FAM107A: variants seen among roughly 807,000 people sequenced by gnomAD.
FAM107A encodes the protein family with sequence similarity 107 member A, also known as actin-associated protein FAM107A.
Under a neutral mutation model 13.7 loss-of-function variants are expected in FAM107A, and 19 were observed. The observed-to-expected ratio is 1.38, with a 90% CI of 0.97 to 2.03. FAM107A has a LOEUF of 2.03. FAM107A is among the 30% of genes most tolerant of loss of function. FAM107A has a pLI of 0.00. For synonymous variants in FAM107A, 82 were observed against 74.5 expected (o/e 1.10, Z -0.52); for missense variants, 203 against 184.4 (o/e 1.10, Z -0.58).
chr3:58,615,679 T>C (rs551641214), intron 1 of FAM107A, among the ~76,000 whole-genome samples: 3 of 152,146 alleles, frequency 2.0e-5, no homozygotes, highest in African/African-American at 7.2e-5. Flanking sequence ...GTGGATTCCT[T>C]GAGCCCAGAA....
intron 1 of FAM107A, among the ~76,000 whole-genome samples, chr3:58,610,146 A>G (rs538652976): frequency 1.3e-5 from 2 of 152,224 alleles, no homozygotes; most frequent in African/African-American, 4.8e-5. Context: ...ACTTCCATCT[A>G]CCAGATACAG....
intron 1 of FAM107A, among the ~76,000 whole-genome samples, chr3:58,593,928 C>T (rs1452752398): frequency 2.6e-5 from 4 of 152,078 alleles, no homozygotes; most frequent in South Asian, 2.1e-4. Flanking sequence ...CACACTTATC[C>T]GCATCTACTT....
rs946606855 is a variant in FAM107A at position 58,613,432 on chromosome 3, A to G, written c.-70+13984T>C. Among the ~76,000 whole-genome samples the G allele has an allele frequency of 6.6e-6, 1 of 151,930 alleles. No homozygotes were observed. Among genetic ancestry groups the G allele is most frequent in the South Asian group, 2.1e-4 (1 of 4,816 alleles). On this transcript the variant is annotated intron_variant, in intron 1 of 3. Transcript: ENST00000465970. This position sits in a 1 kb window ranked among gnomAD's most constrained non-coding sequence, Gnocchi z 4.6. Reference sequence around the variant, plus strand: ...TCCTTGGCCTGGTTCCTCTGACTTCATCAACCTCTGGCCCCTGTGTCCTCT... The same window carrying G: ...TCCTTGGCCTGGTTCCTCTGACTTCGTCAACCTCTGGCCCCTGTGTCCTCT...
chr3:58,569,740 A>G lies in FAM107A; in HGVS notation c.121T>C (p.Ser41Pro). 1 of 1,614,010 alleles carries G rather than the reference A, an allele frequency of 6.2e-7. No individual in the cohort carries two copies. The highest frequency in any genetic ancestry group is 8.5e-7 in the Non-Finnish European group (1 of 1,179,982). ...CGGTGGAGCTCCTGGTGACTCCGAG[A>G]GGCCTTCACGGGGTTCAGCAGCTTC... is the stretch of plus-strand genomic sequence containing the variant. Reference protein sequence around the residue: ...PKKLLNPVKASRSHQELHREL... With the variant: ...PKKLLNPVKAPRSHQELHREL... The change falls in exon 2 of 4, where the codon TCT becomes CCT. Residue 41 changes from serine to proline, a missense_variant. Physicochemically the swap from Ser to Pro is moderately conservative, Grantham distance 74. Coordinates refer to ENST00000360997, the MANE Select transcript of FAM107A (RefSeq NM_001076778.3). This position sits in a 1 kb window ranked among gnomAD's most constrained non-coding sequence, Gnocchi z 5.7.
At chr3:58,625,562 A>C (rs2066005876) in intron 1 of FAM107A, among the ~76,000 whole-genome samples, 1 of 152,238 alleles carries the variant, frequency 6.6e-6, no homozygotes, top group Non-Finnish European at 1.5e-5. Context: ...TGTAAGAGGC[A>C]TGAAGCTCAA....
At chr3:58,575,646 C>T (rs1057501123) in intron 1 of FAM107A, among the ~76,000 whole-genome samples, 34 of 152,174 alleles carry the variant, frequency 2.2e-4, no homozygotes, top group African/African-American at 8.2e-4. Flanking sequence ...GGGTTATGTC[C>T]CTTTTCTCTC....
intron 1 of FAM107A, among the ~76,000 whole-genome samples, chr3:58,573,973 A>G (rs2063709625): frequency 6.6e-6 from 1 of 152,198 alleles, no homozygotes; most frequent in Admixed American, 6.5e-5. Flanking sequence ...TGATATCATA[A>G]ACGAGGTGAT....
chr3:58,615,010 T>TG (rs1476171197), intron 1 of FAM107A, among the ~76,000 whole-genome samples: 1 of 152,136 alleles, frequency 6.6e-6, no homozygotes, highest in East Asian at 1.9e-4. Context: ...TTCACTATGT[T>TG]GGCCAGGCTG....
chr3:58,607,064 T>A (rs566382356), intron 1 of FAM107A: 55 of 152,286 alleles, frequency 3.6e-4, no homozygotes, highest in African/African-American at 8.9e-4. Flanking sequence ...TGTCTTTTCT[T>A]CCCCCTTAAC....
chr3:58,579,100 G>T (rs1272518865), upstream of FAM107A, among the ~76,000 whole-genome samples: 1 of 152,204 alleles, frequency 6.6e-6, no homozygotes, highest in Non-Finnish European at 1.5e-5. Context: ...GCAAGGCTGG[G>T]TGAGGTGAGA....
In FAM107A at chr3:58,613,704, C is replaced by G. The variant is rs1398518214; in HGVS notation, c.-70+13712G>C. Among the ~76,000 whole-genome samples the G allele has an allele frequency of 6.6e-6, 1 of 152,116 alleles. No homozygotes were observed. Among genetic ancestry groups the G allele is most frequent in the Non-Finnish European group, 1.5e-5 (1 of 67,992 alleles). On this transcript the variant is annotated intron_variant, in intron 1 of 3. Coordinates refer to the FAM107A transcript ENST00000465970. The surrounding 1 kb of genome is among the most constrained non-coding windows in gnomAD (Gnocchi z 4.6). ...ATTCCCCTCCCTAGGATTGGGTACC[C>G]TAGGGCCATATCTCCCAGGGAGAGG...
chr3:58,602,786 A>G (rs938059942), intron 1 of FAM107A, among the ~76,000 whole-genome samples: 9 of 152,256 alleles, frequency 5.9e-5, no homozygotes, highest in African/African-American at 2.2e-4. Context: ...TCTATGTAGT[A>G]TTACTTATAT....
rs2063709096 is a variant in FAM107A, at chr3:58,573,920, C to T, written c.-6+3389G>A. On this transcript the variant is annotated intron_variant, in intron 1 of 3. Coordinates refer to ENST00000360997, the MANE Select transcript of FAM107A (RefSeq NM_001076778.3). Reference sequence around the variant, plus strand: ...TGCTTTTGATCTGGTGTTTCCTCCTCTGCAAAATGAGCGTTACATTAGAAT... The same window carrying T: ...TGCTTTTGATCTGGTGTTTCCTCCTTTGCAAAATGAGCGTTACATTAGAAT... Among the ~76,000 whole-genome samples the T allele has an allele frequency of 2.6e-5, 4 of 152,194 alleles. No individual in the cohort carries two copies. In the South Asian group the frequency reaches 8.3e-4, roughly 32 times the overall value.
At chr3:58,573,312 G>T (rs2063702436) in intron 1 of FAM107A, among the ~76,000 whole-genome samples, 1 of 152,218 alleles carries the variant, frequency 6.6e-6, no homozygotes, top group South Asian at 2.1e-4. Context: ...CAGCCTTTCT[G>T]CCTTTTAATT....
chr3:58,583,254 T>C (rs756005677), intron 1 of FAM107A, among the ~76,000 whole-genome samples: 2 of 152,228 alleles, frequency 1.3e-5, no homozygotes, highest in Admixed American at 1.3e-4. Context: ...TTAGTGGGAT[T>C]ATGTGTTAGG....
chr3:58,600,846 C>A (rs1208057434), intron 1 of FAM107A, among the ~76,000 whole-genome samples: 2 of 152,154 alleles, frequency 1.3e-5, no homozygotes, highest in African/African-American at 4.8e-5. Context: ...CTCCAGCCCA[C>A]CACAAGGGAC....
intron 1 of FAM107A, among the ~76,000 whole-genome samples, chr3:58,582,851 G>A (rs2065563376): frequency 6.6e-6 from 1 of 152,102 alleles, no homozygotes; most frequent in Admixed American, 6.5e-5. Flanking sequence ...CAGGCTGGAG[G>A]GCAGTGGCAC....
At chr3:58,619,171 T>C (rs949081226) in intron 1 of FAM107A, among the ~76,000 whole-genome samples, 1 of 152,052 alleles carries the variant, frequency 6.6e-6, no homozygotes, top group Non-Finnish European at 1.5e-5. Context: ...GCTAATTAAT[T>C]TTTCTTTTTT....
intron 1 of FAM107A, chr3:58,570,410 A>G: frequency 1.0e-6 from 1 of 983,418 alleles, no homozygotes; most frequent in South Asian, 4.7e-5. Flanking sequence ...TGAAATTCAG[A>G]GACTGCTGTG....
Sources: allele counts gnomAD v4.1 joint callset (sites outside exome capture counted in the v4.1 genomes callset), GRCh38; gene constraint gnomAD v4.1.1; non-coding constraint Gnocchi (gnomAD v3.1); transcripts MANE v1.5; gene names NCBI Gene and HGNC (gene_info 2026-07-23, HGNC 2026-07-21).